The following DIAPH3 variants were observed in gnomAD, a reference collection of about 807,000 sequenced individuals.
The protein encoded by DIAPH3 is protein diaphanous homolog 3.
A neutral mutation model predicts 144.3 loss-of-function variants in DIAPH3; 117 were observed. The ratio of observed to expected loss-of-function variants is 0.81; its 90% CI spans 0.70 to 0.95. The LOEUF is 0.95. Among genes scored for constraint, DIAPH3 ranks in the 40% least tolerant of loss-of-function variants. The pLI is 0.00. For synonymous variants in DIAPH3, 519 were observed against 488.9 expected, an observed-to-expected ratio of 1.06 and a Z score of -0.81; for missense variants, 1,421 against 1,412.7, an observed-to-expected ratio of 1.01 and a Z score of -0.09.
chr13:60,155,986 T>C (rs1286565988), intron 1 of DIAPH3, among the ~76,000 whole-genome samples: 1 of 152,256 alleles, frequency 6.6e-6, no homozygotes, highest in Non-Finnish European at 1.5e-5. Context: ...CTTCATTTCC[T>C]ATGGCAGGTG....
chr13:59,778,940 T>C (rs1467185070), intron 25 of DIAPH3, among the ~76,000 whole-genome samples: 1 of 152,246 alleles, frequency 6.6e-6, no homozygotes, highest in Non-Finnish European at 1.5e-5. Flanking sequence ...TAATTTTCTT[T>C]TTTTTGCTCA....
At chr13:59,796,410 T>A (rs998119146) in intron 25 of DIAPH3, among the ~76,000 whole-genome samples, 3 of 152,240 alleles carry the variant, frequency 2.0e-5, no homozygotes, top group African/African-American at 7.2e-5. Flanking sequence ...CTTAATAGAC[T>A]GAAGTGTGGA....
intron 20 of DIAPH3, among the ~76,000 whole-genome samples, chr13:59,891,800 C>G (rs1399612056): frequency 6.6e-6 from 1 of 151,804 alleles, no homozygotes; most frequent in African/African-American, 2.4e-5. Flanking sequence ...GCCTTAGTGT[C>G]AAAAAAGCAT....
At chr13:59,991,824 T>C (rs573505401) in intron 11 of DIAPH3, among the ~76,000 whole-genome samples, 4 of 152,008 alleles carry the variant, frequency 2.6e-5, no homozygotes, top group African/African-American at 9.6e-5. Context: ...GAAAACAAAA[T>C]AGATTGCACA....
At chr13:59,792,316 A>T (rs943559130) in intron 25 of DIAPH3, among the ~76,000 whole-genome samples, 3 of 152,172 alleles carry the variant, frequency 2.0e-5, no homozygotes, top group Non-Finnish European at 4.4e-5. Flanking sequence ...GACACATGTC[A>T]TTCAGTTACA....
At chr13:60,025,578 AAAG>A (rs1594392879) in intron 5 of DIAPH3, among the ~76,000 whole-genome samples, 1 of 151,996 alleles carries the variant, frequency 6.6e-6, no homozygotes, top group Non-Finnish European at 1.5e-5. Flanking sequence ...AATCCAAAGG[AAAG>A]AAGAAGTTTC....
At chr13:60,121,259 T>C (rs1378962618) in intron 2 of DIAPH3, among the ~76,000 whole-genome samples, 1 of 152,072 alleles carries the variant, frequency 6.6e-6, no homozygotes, top group Non-Finnish European at 1.5e-5. Flanking sequence ...TATGCATAAC[T>C]GAAAGAAATA....
intron 25 of DIAPH3, among the ~76,000 whole-genome samples, chr13:59,806,837 T>C (rs559086072): frequency 1.3e-5 from 2 of 151,888 alleles, no homozygotes; most frequent in Non-Finnish European, 3.0e-5. Flanking sequence ...ACAATGTCTT[T>C]ATTGAAGATC....
intron 17 of DIAPH3, among the ~76,000 whole-genome samples, chr13:59,927,145 C>A (rs1221565022): frequency 6.6e-6 from 1 of 152,142 alleles, no homozygotes; most frequent in Admixed American, 6.5e-5. Flanking sequence ...TATCCCTGCA[C>A]ACTTTGACTT....
At chr13:59,759,693 A>G (rs7995661) in intron 27 of DIAPH3, among the ~76,000 whole-genome samples, 51,925 of 151,824 alleles carry the variant, frequency 0.34, 9,344 homozygotes, top group African/African-American at 0.44. Flanking sequence ...GTGGCTGGGC[A>G]CAGTGGCTTT....
chr13:59,760,754 T>C (rs925001774), intron 27 of DIAPH3, among the ~76,000 whole-genome samples: 10 of 152,182 alleles, frequency 6.6e-5, no homozygotes, highest in African/African-American at 2.2e-4. Context: ...TGAGGGTACA[T>C]ACAGTAATAT....
chr13:59,730,759 T>C (rs2035856536), intron 27 of DIAPH3, among the ~76,000 whole-genome samples: 1 of 152,162 alleles, frequency 6.6e-6, no homozygotes, highest in African/African-American at 2.4e-5. Flanking sequence ...GAATCTTCCA[T>C]TTGCCATCTA....
chr13:59,687,712 T>C (rs775800972), intron 27 of DIAPH3, among the ~76,000 whole-genome samples: 42 of 152,020 alleles, frequency 2.8e-4, no homozygotes, highest in Non-Finnish European at 4.1e-4. Flanking sequence ...AAATAAAAAG[T>C]TCAGAGAGAC....
chr13:59,983,118 T>C (rs1412415889), intron 13 of DIAPH3, among the ~76,000 whole-genome samples: 1 of 88,280 alleles, frequency 1.1e-5, no homozygotes, highest in Non-Finnish European at 2.2e-5. Context: ...GTTACAACAC[T>C]AAATAATAAT....
chr13:59,848,239 A>T (rs2042764428), intron 22 of DIAPH3, among the ~76,000 whole-genome samples: 1 of 151,264 alleles, frequency 6.6e-6, no homozygotes, highest in Admixed American at 6.6e-5. Flanking sequence ...TTTAAGTCAG[A>T]TGTCACTCTT....
At chr13:59,977,296 G>A (rs2050733703) in intron 14 of DIAPH3, among the ~76,000 whole-genome samples, 1 of 151,772 alleles carries the variant, frequency 6.6e-6, no homozygotes, top group African/African-American at 2.4e-5. Flanking sequence ...CTCAAAGTCT[G>A]AAAAACTTAC....
At chr13:59,756,554 A>AGGG in intron 27 of DIAPH3, among the ~76,000 whole-genome samples, 1 of 147,278 alleles carries the variant, frequency 6.8e-6, no homozygotes. Context: ...GGGAGGGAGG[A>AGGG]AGGGAGAGAG....
chr13:59,932,092 T>A (rs1374730546), intron 17 of DIAPH3, among the ~76,000 whole-genome samples: 2 of 152,172 alleles, frequency 1.3e-5, no homozygotes, highest in South Asian at 2.1e-4. Context: ...TAGGATTCCC[T>A]TCCTTAACCT....
intron 27 of DIAPH3, among the ~76,000 whole-genome samples, chr13:59,737,483 C>A (rs1394297079): frequency 6.6e-6 from 1 of 152,082 alleles, no homozygotes; most frequent in African/African-American, 2.4e-5. Context: ...GGCATTGGGA[C>A]TATTGTTAAA....
Sources: gnomAD v4.1 joint callset for allele counts (sites outside exome capture counted in the v4.1 genomes callset) on GRCh38, gnomAD v4.1.1 for gene constraint, MANE v1.5 for transcripts, NCBI Gene and HGNC (gene_info 2026-07-23, HGNC 2026-07-21) for gene names.